MAP3K2: variants seen among roughly 807,000 people sequenced by gnomAD.
MAP3K2 encodes the protein mitogen-activated protein kinase kinase kinase 2.
Under a neutral mutation model 80.3 loss-of-function variants are expected in MAP3K2, and 24 were observed. The ratio of observed to expected loss-of-function variants is 0.30; its 90% CI spans 0.22 to 0.42. MAP3K2 has a LOEUF of 0.42. Among genes scored for constraint, MAP3K2 ranks in the 10% least tolerant of loss-of-function variants. MAP3K2 has a pLI of 1.00. For missense variants in MAP3K2, 608 were observed against 750.1 expected (o/e 0.81, Z 2.21); for synonymous variants, 244 against 253.7 (o/e 0.96, Z 0.36).
At chr2:127,375,021 AG>A (rs1384742228) in intron 1 of MAP3K2, among the ~76,000 whole-genome samples, 3 of 152,268 alleles carry the variant, frequency 2.0e-5, no homozygotes, top group African/African-American at 7.2e-5. Context: ...AATCAGCTGT[AG>A]AAAAGCACTT....
chr2:127,308,832 G>C, intron 15 of MAP3K2, 70 bp from the exon 16 acceptor site: 1 of 1,469,056 alleles, frequency 6.8e-7, no homozygotes, highest in Non-Finnish European at 9.3e-7. Flanking sequence ...AAAGAACAAT[G>C]GCAGAGAATT....
intron 1 of MAP3K2, among the ~76,000 whole-genome samples, chr2:127,357,636 T>G (rs758107456): frequency 7.9e-5 from 12 of 152,212 alleles, no homozygotes; most frequent in Non-Finnish European, 1.3e-4. Context: ...GTTATTGGCA[T>G]ACAGGTAGAT....
rs746962281 is a variant in MAP3K2, at chr2:127,322,133, C to G, written c.958G>C (p.Glu320Gln). 6.2e-7 allele frequency: 1 copy of G among 1,613,846 alleles called. No individual in the cohort carries two copies. The highest frequency in any genetic ancestry group is 1.1e-5 in the South Asian group (1 of 91,062). The change falls in exon 12 of 17, where the codon GAG becomes CAG. Residue 320 changes from glutamate (E) to glutamine (Q), a missense_variant. By Grantham distance (29) the Glu-to-Gln change is conservative. Transcript: ENST00000682094. This position sits in a 1 kb window ranked among gnomAD's most constrained non-coding sequence, Gnocchi z 4.2. Reference sequence around the variant, plus strand: ...CTTCTTATTCGACTATCATCATACTCTGGGGTAAAGATACTGCTTCCACTA... The same window carrying G: ...CTTCTTATTCGACTATCATCATACTGTGGGGTAAAGATACTGCTTCCACTA... ...TSSGSSIFTP[E>Q]YDDSRIRRRG...
rs185260933 is a variant in MAP3K2, at chr2:127,325,703, C to A, written c.677+25G>T. 43 of 1,571,484 alleles carry A rather than the reference C, an allele frequency of 2.7e-5. 1 individual carries two copies. In the East Asian group the frequency reaches 9.4e-4, roughly 34 times the overall value. The stretch of plus-strand genomic sequence containing the variant: ...TCTGTCTCAAATAAACAAATAAACC[C>A]TCCAAAAACTACGATAAACATTACC... On this transcript the variant is annotated intron_variant, in intron 9 of 16. Coordinates refer to ENST00000682094, the MANE Select transcript of MAP3K2 (RefSeq NM_001371910.2).
At position 127,304,304 on chromosome 2, in the gene MAP3K2, T is replaced by G. The variant is rs1685653917; in HGVS notation, c.*3275A>C. Reference sequence around the variant, plus strand: ...ATACTTTCAAATACATTTTAAATAATTAACAACCCATCAAAATTTCCACTA... The same window carrying G: ...ATACTTTCAAATACATTTTAAATAAGTAACAACCCATCAAAATTTCCACTA... On this transcript the variant is annotated 3_prime_UTR_variant, in exon 17 of 17. Coordinates refer to ENST00000682094, the MANE Select transcript of MAP3K2 (RefSeq NM_001371910.2). 6.6e-6 allele frequency: 1 copy of G among 152,164 alleles called. No homozygotes were observed. The allele number at this position is 152,164 out of a possible 1,614,324, so 9.4% of individuals were successfully genotyped here. A position where few individuals can be genotyped will look rare whatever the true frequency, so the allele number is the denominator to read the frequency against.
intron 1 of MAP3K2, among the ~76,000 whole-genome samples, chr2:127,363,877 G>T (rs1686929714): frequency 6.6e-6 from 1 of 151,954 alleles, no homozygotes; most frequent in Non-Finnish European, 1.5e-5. Flanking sequence ...GGCTGGTCTT[G>T]AACCCCTGGC....
At chr2:127,309,612 G>A (rs562382535) in intron 15 of MAP3K2, among the ~76,000 whole-genome samples, 23 of 151,934 alleles carry the variant, frequency 1.5e-4, no homozygotes, top group Non-Finnish European at 2.2e-4. Flanking sequence ...TTTAGTCATC[G>A]TGTCCCCTGA....
chr2:127,386,671 A>AT (rs11436115), intron 1 of MAP3K2, among the ~76,000 whole-genome samples: 26,821 of 152,084 alleles, frequency 0.18, 2,886 homozygotes, highest in South Asian at 0.34. Context: ...CATCTTTTAA[A>AT]TTTTTTTTAA....
At chr2:127,318,132 TATA>T (rs1171966948) in intron 13 of MAP3K2, 34 bp downstream of exon 13, 1 of 1,522,616 alleles carries the variant, frequency 6.6e-7, no homozygotes, top group Non-Finnish European at 8.8e-7. Flanking sequence ...TAAAGTTTCT[TATA>T]ATGTGACAAA....
In MAP3K2 at chr2:127,321,678, C is replaced by T. The variant is rs192447606; in HGVS notation, c.1045+368G>A. Among the ~76,000 whole-genome samples, 1 of 152,182 alleles carries T rather than the reference C, an allele frequency of 6.6e-6. No homozygotes were observed. Among genetic ancestry groups the T allele is most frequent in the Non-Finnish European group, 1.5e-5 (1 of 68,028 alleles). On this transcript the variant is annotated intron_variant, in intron 12 of 16. Transcript: ENST00000682094. The surrounding 1 kb of genome is among the most constrained non-coding windows in gnomAD (Gnocchi z 4.4). The stretch of plus-strand genomic sequence containing the variant: ...TTATCTCCTCAGCTGGTGATTTCTA[C>T]TCACATTTAAATGCTATACAATAAT...
chr2:127,353,044 G>C (rs996717773), intron 1 of MAP3K2, among the ~76,000 whole-genome samples: 3 of 151,996 alleles, frequency 2.0e-5, no homozygotes, highest in East Asian at 1.9e-4. Flanking sequence ...GATCTCGGCT[G>C]GCTACAACCT....
intron 1 of MAP3K2, among the ~76,000 whole-genome samples, chr2:127,345,243 C>T (rs1292336579): frequency 1.3e-5 from 2 of 152,096 alleles, no homozygotes; most frequent in African/African-American, 2.4e-5. Context: ...GCAGTGGCTA[C>T]ACCACTATCA....
chr2:127,340,221 A>G (rs1018578545), intron 2 of MAP3K2, among the ~76,000 whole-genome samples: 10 of 152,230 alleles, frequency 6.6e-5, no homozygotes, highest in African/African-American at 2.4e-4. Flanking sequence ...TTTTTATAAA[A>G]TAAAGTTTTA....
intron 16 of MAP3K2, 71 bp downstream of exon 16, chr2:127,308,514 A>G: frequency 7.5e-7 from 1 of 1,330,560 alleles, no homozygotes; most frequent in Admixed American, 2.3e-5. Context: ...CATCTGCCTC[A>G]GTAATTCAAT....
chr2:127,299,590 C>T lies in MAP3K2; in HGVS notation c.*7989G>A, dbSNP rs565395371. 6 of 152,144 alleles carry T rather than the reference C, an allele frequency of 3.9e-5. No homozygotes were observed. The highest frequency in any genetic ancestry group is 2.1e-4 in the South Asian group (1 of 4,828). 9.4% of individuals were successfully genotyped at this position (152,144 alleles called of 1,614,324 possible). On this transcript the variant is annotated 3_prime_UTR_variant, in exon 17 of 17. Coordinates refer to ENST00000682094, the MANE Select transcript of MAP3K2 (RefSeq NM_001371910.2). The stretch of plus-strand genomic sequence containing the variant: ...CTGAGAATTCAAAGGCCATTTTTAG[C>T]GGTGTGTTTTTGCTACTGCTTAAAA...
At chr2:127,346,365 G>GACC (rs1405830090) in intron 1 of MAP3K2, among the ~76,000 whole-genome samples, 1 of 137,084 alleles carries the variant, frequency 7.3e-6, no homozygotes, top group Non-Finnish European at 1.5e-5. Flanking sequence ...AAAAGCCCTG[G>GACC]ACCAGATCAC....
rs962603260 is a variant in MAP3K2, at chr2:127,387,570, G to A, written c.-184C>T. On this transcript the variant is annotated 5_prime_UTR_variant, in exon 1 of 17. Coordinates refer to ENST00000682094, the MANE Select transcript of MAP3K2 (RefSeq NM_001371910.2). ...GGCCCCAGGTCGGGGGCTGCCGCAG[G>A]GCCCCCGGGGACCGGAGGGGCGCGC... 3.1e-5 allele frequency: 31 copies of A among 984,838 alleles called. No homozygotes were observed. Among genetic ancestry groups the A allele is most frequent in the African/African-American group, 7.0e-5 (4 of 57,156 alleles). The allele number at this position is 984,838 out of a possible 1,614,324, so 61.0% of individuals were successfully genotyped here. A position where few individuals can be genotyped will look rare whatever the true frequency, so the allele number is the denominator to read the frequency against.
At chr2:127,328,318 T>C (rs1686184959) in intron 7 of MAP3K2, among the ~76,000 whole-genome samples, 1 of 152,042 alleles carries the variant, frequency 6.6e-6, no homozygotes, top group South Asian at 2.1e-4. Context: ...TTTTAAAAAA[T>C]GACAAGTACC....
intron 1 of MAP3K2, among the ~76,000 whole-genome samples, chr2:127,369,468 T>TAAAA (rs70985451): frequency 3.1e-5 from 1 of 32,726 alleles, no homozygotes; most frequent in Non-Finnish European, 5.3e-5. Context: ...CCGTCTCTAC[T>TAAAA]AAAAAAAAAA....
Sources: gnomAD v4.1 joint callset for allele counts (sites outside exome capture counted in the v4.1 genomes callset) on GRCh38, gnomAD v4.1.1 for gene constraint, Gnocchi (gnomAD v3.1) non-coding constraint, MANE v1.5 for transcripts, NCBI Gene and HGNC (gene_info 2026-07-23, HGNC 2026-07-21) for gene names.